The following AFF3 variants were observed in gnomAD, a reference collection of about 807,000 sequenced individuals.
AFF3 encodes the protein AF4/FMR2 family member 3.
A neutral mutation model predicts 129.7 loss-of-function variants in AFF3; 32 were observed. The ratio of observed to expected loss-of-function variants is 0.25; its 90% CI spans 0.19 to 0.33. The LOEUF is 0.33. Among genes scored for constraint, AFF3 ranks in the 10% least tolerant of loss-of-function variants. AFF3 has a pLI of 1.00. For missense variants in AFF3, 1,373 were observed against 1,592.0 expected, an observed-to-expected ratio of 0.86 and a Z score of 2.34; for synonymous variants, 644 against 635.4, an observed-to-expected ratio of 1.01 and a Z score of -0.20.
intron 10 of AFF3, among the ~76,000 whole-genome samples, chr2:99,733,439 C>G (rs1157302172): frequency 6.6e-6 from 1 of 150,770 alleles, no homozygotes; most frequent in Non-Finnish European, 1.5e-5. Flanking sequence ...CAGTGTTAGC[C>G]TTTTTATTTT....
At chr2:100,022,468 T>G (rs551065971) in intron 4 of AFF3, among the ~76,000 whole-genome samples, 76 of 152,194 alleles carry the variant, frequency 5.0e-4, no homozygotes, top group African/African-American at 1.8e-3. Flanking sequence ...TGGAGTGCAG[T>G]GGTGTGATCT....
At chr2:100,114,924 C>T (rs866845210) in intron 2 of AFF3, among the ~76,000 whole-genome samples, 1 of 152,296 alleles carries the variant, frequency 6.6e-6, no homozygotes, top group East Asian at 1.9e-4. Flanking sequence ...GCAGTAAGTA[C>T]GTGATTGGGG....
At chr2:99,753,890 T>C (rs1164766323) in intron 8 of AFF3, among the ~76,000 whole-genome samples, 1 of 152,144 alleles carries the variant, frequency 6.6e-6, no homozygotes, top group Non-Finnish European at 1.5e-5. Flanking sequence ...TCTCCTCCCA[T>C]CTCTGCCCTG....
chr2:99,873,903 G>A lies in AFF3; in HGVS notation c.874-36379C>T, dbSNP rs150011550. Among the ~76,000 whole-genome samples the A allele has an allele frequency of 3.0e-3, 459 of 152,164 alleles. 16 individuals carry two copies. The East Asian group carries it at 0.062, about 21-fold the overall frequency. On this transcript the variant is annotated intron_variant, in intron 7 of 24. Transcript: ENST00000672756. ...CTCTTTAAGAAGCTGGGCCGGGCGC[G>A]GTGGCTCACGCCTGTAATCTCAGTA...
chr2:100,066,385 G>T (rs897329452), intron 4 of AFF3, among the ~76,000 whole-genome samples: 7 of 152,158 alleles, frequency 4.6e-5, no homozygotes, highest in Admixed American at 3.3e-4. Context: ...AGCCAGTGAC[G>T]AATGAAGACA....
chr2:99,699,456 T>C (rs1676626264), intron 11 of AFF3, among the ~76,000 whole-genome samples: 1 of 152,234 alleles, frequency 6.6e-6, no homozygotes, highest in Admixed American at 6.5e-5. Flanking sequence ...CCTGGCATAC[T>C]AAAAGTGGGG....
At chr2:99,961,923 C>G (rs760044126) in intron 7 of AFF3, among the ~76,000 whole-genome samples, 7 of 152,286 alleles carry the variant, frequency 4.6e-5, no homozygotes, top group Non-Finnish European at 8.8e-5. Context: ...AAAACTTGGC[C>G]AGATGAAGCA....
intron 8 of AFF3, among the ~76,000 whole-genome samples, chr2:99,761,586 G>C (rs1293401864): frequency 6.6e-6 from 1 of 152,302 alleles, no homozygotes; most frequent in Non-Finnish European, 1.5e-5. Context: ...GTTACCAAAG[G>C]AGAGAAGAAA....
chr2:99,832,489 G>A (rs1264169806), intron 8 of AFF3, among the ~76,000 whole-genome samples: 1 of 152,208 alleles, frequency 6.6e-6, no homozygotes, highest in Non-Finnish European at 1.5e-5. Context: ...CTGCAACATA[G>A]TGGCAAGCTG....
chr2:100,002,982 T>C (rs935923723), intron 7 of AFF3, among the ~76,000 whole-genome samples: 1 of 152,092 alleles, frequency 6.6e-6, no homozygotes, highest in African/African-American at 2.4e-5. Flanking sequence ...CTAATGTAAC[T>C]TTTTTCAAAT....
chr2:100,028,656 T>G (rs1296534457), intron 4 of AFF3, among the ~76,000 whole-genome samples: 3 of 152,200 alleles, frequency 2.0e-5, no homozygotes, highest in African/African-American at 7.2e-5. Context: ...AATAAAATTT[T>G]ATTTTTCCAT....
chr2:99,943,234 A>C (rs1675231098), intron 7 of AFF3, among the ~76,000 whole-genome samples: 1 of 152,212 alleles, frequency 6.6e-6, no homozygotes, highest in Admixed American at 6.5e-5. Flanking sequence ...AAACTGATGC[A>C]ACCTGCCCCC....
chr2:99,959,724 C>T (rs897582612), intron 7 of AFF3, among the ~76,000 whole-genome samples: 2 of 137,362 alleles, frequency 1.5e-5, no homozygotes, highest in Non-Finnish European at 3.1e-5. Context: ...TATATATATG[C>T]GATTATTGGC....
intron 4 of AFF3, among the ~76,000 whole-genome samples, chr2:100,051,427 T>C (rs1402422883): frequency 6.6e-6 from 1 of 152,192 alleles, no homozygotes; most frequent in Non-Finnish European, 1.5e-5. Context: ...TCTTCAAACA[T>C]ACTGCTCTTG....
At chr2:99,834,498 A>G (rs1233158859) in intron 8 of AFF3, among the ~76,000 whole-genome samples, 2 of 152,170 alleles carry the variant, frequency 1.3e-5, no homozygotes, top group African/African-American at 2.4e-5. Flanking sequence ...AGCTGAAGGG[A>G]AGTTACAGCC....
rs1558675878 is a variant in AFF3, at chr2:99,635,073, A to AATATGATATATACACATATCTCTATGT, written c.1184+14526_1184+14552dup. On this transcript the variant is annotated intron_variant, in intron 13 of 24. Coordinates refer to ENST00000672756, the MANE Select transcript of AFF3 (RefSeq NM_001386135.1). Reference sequence around the variant, plus strand: ...GTGATATATACACAACATATCTATGAATATGATATATACACATATCTCTAT... The same window carrying AATATGATATATACACATATCTCTATGT: ...GTGATATATACACAACATATCTATGAATATGATATATACACATATCTCTATGTATATGATATATACACATATCTCTAT... Among the ~76,000 whole-genome samples, 10 of 150,228 alleles carry AATATGATATATACACATATCTCTATGT rather than the reference A, an allele frequency of 6.7e-5. 3 individuals carry two copies. Among genetic ancestry groups the AATATGATATATACACATATCTCTATGT allele is most frequent in the South Asian group, 4.2e-4 (2 of 4,718 alleles).
intron 8 of AFF3, among the ~76,000 whole-genome samples, chr2:99,791,191 T>A (rs1685162722): frequency 6.6e-6 from 1 of 152,156 alleles, no homozygotes. Context: ...TTTTCTTTAT[T>A]CAAGATGGAA....
chr2:99,757,385 C>T (rs1303192491), intron 8 of AFF3, among the ~76,000 whole-genome samples: 2 of 152,246 alleles, frequency 1.3e-5, no homozygotes, highest in South Asian at 2.1e-4. Flanking sequence ...CATCTATTAA[C>T]TCTTCAAGTC....
rs1246392935 is a variant in AFF3, at chr2:100,093,457, T to C, written c.53+10945A>G. 4.0e-5 allele frequency among the ~76,000 whole-genome samples: 6 copies of C among 151,874 alleles called. No individual in the cohort carries two copies. The East Asian group carries it at 1.2e-3, about 29-fold the overall frequency. On this transcript the variant is annotated intron_variant, in intron 4 of 24. Transcript: ENST00000672756. ...GAGGAATAAAAGTAAGGAAAAGAAATCAATTTATGTAACTAATTATTTACC... is the reference window on the plus strand; with the variant it reads ...GAGGAATAAAAGTAAGGAAAAGAAACCAATTTATGTAACTAATTATTTACC...
Sources: allele counts gnomAD v4.1 joint callset (sites outside exome capture counted in the v4.1 genomes callset), GRCh38; gene constraint gnomAD v4.1.1; transcripts MANE v1.5; gene names NCBI Gene and HGNC (gene_info 2026-07-23, HGNC 2026-07-21).